Variants in MAPT observed in about 807,000 individuals in gnomAD.
The protein encoded by MAPT is microtubule-associated protein tau.
A neutral mutation model predicts 67.9 loss-of-function variants in MAPT; 34 were observed. The observed-to-expected ratio is 0.50, with a 90% CI of 0.38 to 0.67. The LOEUF is 0.67. Among genes scored for constraint, MAPT ranks in the 30% least tolerant of loss-of-function variants. MAPT has a pLI of 0.00. For missense variants in MAPT, 881 were observed against 1,115.2 expected (o/e 0.79, Z 2.99); for synonymous variants, 456 against 464.5 (o/e 0.98, Z 0.23).
intron 12 of MAPT, among the ~76,000 whole-genome samples, chr17:46,021,249 AG>A (rs2076510087): frequency 1.3e-5 from 2 of 152,226 alleles, no homozygotes; most frequent in South Asian, 4.1e-4. Flanking sequence ...GTTGCGCGAC[AG>A]GGATACTTTT....
chr17:45,983,833 A>G lies in MAPT; in HGVS notation c.1254A>G (p.Gly418=). 1.9e-6 allele frequency: 3 copies of G among 1,612,156 alleles called. No individual in the cohort carries two copies. The highest frequency in any genetic ancestry group is 2.5e-6 in the Non-Finnish European group (3 of 1,179,678). ...CAGAGGCCCGGGGCCCCTCTTTGGG[A>G]GAGGACACAAAAGAGGCTGACCTTC... ...EGPEARGPSL[G]EDTKEADLPE... The change falls in exon 5 of 13, where the codon GGA becomes GGG. Residue 418 remains glycine (G), a synonymous_variant. Coordinates refer to ENST00000262410, the MANE Select transcript of MAPT (RefSeq NM_001377265.1).
At chr17:45,955,796 T>C (rs532024502) in intron 1 of MAPT, among the ~76,000 whole-genome samples, 1 of 151,802 alleles carries the variant, frequency 6.6e-6, no homozygotes, top group East Asian at 1.9e-4. Context: ...AGTGCAGTGG[T>C]GCAATCTCAG....
intron 1 of MAPT, among the ~76,000 whole-genome samples, chr17:45,911,976 T>G (rs1219561777): frequency 6.6e-6 from 1 of 152,230 alleles, no homozygotes; most frequent in Non-Finnish European, 1.5e-5. Flanking sequence ...GCCAAATGCC[T>G]TAGATTCTCC....
rs1036288614 is a variant in MAPT, at chr17:45,955,555, A to G, written c.-17-6766A>G. Among the ~76,000 whole-genome samples the G allele has an allele frequency of 5.1e-4, 77 of 152,064 alleles. 1 individual carries two copies. The highest frequency in any genetic ancestry group is 3.8e-4 in the Non-Finnish European group (26 of 68,022). On this transcript the variant is annotated intron_variant, in intron 1 of 12. Coordinates refer to ENST00000262410, the MANE Select transcript of MAPT (RefSeq NM_001377265.1). ...GAGCAGCCAGCGTGTCCAGTGGTTTACCCCATCGCCACAGACTTGGTGATG... is the reference window on the plus strand; with the variant it reads ...GAGCAGCCAGCGTGTCCAGTGGTTTGCCCCATCGCCACAGACTTGGTGATG...
In MAPT at chr17:45,971,733, G is replaced by T; in HGVS notation, c.134-126G>T. On this transcript the variant is annotated intron_variant, in intron 2 of 12. Transcript: ENST00000262410. This position sits in a 1 kb window ranked among gnomAD's most constrained non-coding sequence, Gnocchi z 4.3. The stretch of plus-strand genomic sequence containing the variant: ...CTTTGTGGGTTTGTTGCGAGGCCGT[G>T]TTCCAGCTGTTTCCACAGGGAGCGA... 2.7e-6 allele frequency: 2 copies of T among 747,096 alleles called. No individual in the cohort carries two copies. Among genetic ancestry groups the T allele is most frequent in the Non-Finnish European group, 2.4e-6 (1 of 415,012 alleles). 46.3% of individuals were successfully genotyped at this position (747,096 alleles called of 1,614,324 possible).
At chr17:46,023,678 A>T (rs1278015746) in intron 12 of MAPT, among the ~76,000 whole-genome samples, 1 of 152,218 alleles carries the variant, frequency 6.6e-6, no homozygotes, top group East Asian at 1.9e-4. Flanking sequence ...CGTTTCTATT[A>T]AAAATACAAA....
chr17:45,913,738 C>T (rs1489421315), intron 1 of MAPT, among the ~76,000 whole-genome samples: 1 of 152,200 alleles, frequency 6.6e-6, no homozygotes, highest in African/African-American at 2.4e-5. Flanking sequence ...GGACAAGAAG[C>T]AAATGTTAAA....
intron 4 of MAPT, among the ~76,000 whole-genome samples, chr17:45,980,834 C>T (rs925322973): frequency 1.3e-5 from 2 of 152,120 alleles, no homozygotes; most frequent in African/African-American, 2.4e-5. Flanking sequence ...TCAGTTCTGG[C>T]GCTCAGGCTC....
At chr17:46,009,362 G>GCCCCCCCTTGCAGGGACAGAGCCC (rs1555719280) in intron 9 of MAPT, among the ~76,000 whole-genome samples, 4 of 148,012 alleles carry the variant, frequency 2.7e-5, no homozygotes, top group Admixed American at 6.8e-5. Context: ...CTATTTCATA[G>GCCCCCCCTTGCAGGGACAGAGCCC]TTCTTAGGCA....
intron 1 of MAPT, among the ~76,000 whole-genome samples, chr17:45,910,458 G>T (rs192775856): frequency 1.3e-5 from 2 of 152,062 alleles, no homozygotes; most frequent in East Asian, 3.9e-4. Flanking sequence ...GCTCCCTGGG[G>T]CATGGTCTTC....
rs1287751331 is a variant in MAPT, at chr17:45,981,845, T to TC, written c.287-1020dup. On this transcript the variant is annotated intron_variant, in intron 4 of 12. Transcript: ENST00000262410. ...GCCTGAGCAACATAAGGAGACCCCG[T>TC]CTCCACAAAAATGAAAAATAACATT... Among the ~76,000 whole-genome samples the TC allele has an allele frequency of 2.0e-5, 3 of 151,686 alleles. No homozygotes were observed. In the East Asian group the frequency reaches 5.8e-4, roughly 29 times the overall value.
intron 1 of MAPT, among the ~76,000 whole-genome samples, chr17:45,949,129 A>T (rs74531363): frequency 6.6e-6 from 1 of 152,138 alleles, no homozygotes; most frequent in African/African-American, 2.4e-5. Flanking sequence ...AACTGAAGGG[A>T]TAAGGAGGAC....
chr17:46,025,070 G>T lies in MAPT; in HGVS notation c.*899G>T, dbSNP rs1290197888. 2 of 148,130 alleles carry T rather than the reference G, an allele frequency of 1.4e-5. No individual in the cohort carries two copies. The highest frequency in any genetic ancestry group is 6.8e-5 in the Admixed American group (1 of 14,732). The allele number at this position is 148,130 out of a possible 1,614,324, so 9.2% of individuals were successfully genotyped here. A position where few individuals can be genotyped will look rare whatever the true frequency, so the allele number is the denominator to read the frequency against. On this transcript the variant is annotated 3_prime_UTR_variant, in exon 13 of 13. Coordinates refer to ENST00000262410, the MANE Select transcript of MAPT (RefSeq NM_001377265.1). Reference sequence around the variant, plus strand: ...TGCAGGGTAGGGGGCCTGAGTTGAGGGGCTTCCCTCTGCTCCACAGAAACC... The same window carrying T: ...TGCAGGGTAGGGGGCCTGAGTTGAGTGGCTTCCCTCTGCTCCACAGAAACC...
intron 6 of MAPT, 95 bp from the exon 7 acceptor site, chr17:45,989,783 G>A (rs2073914803): frequency 1.8e-6 from 2 of 1,110,692 alleles, no homozygotes; most frequent in African/African-American, 3.1e-5. Context: ...ACCATTACCT[G>A]CCTTATTTAT....
intron 5 of MAPT, chr17:45,985,680 G>C: frequency 1.0e-6 from 1 of 985,404 alleles, no homozygotes; most frequent in African/African-American, 1.7e-5. Flanking sequence ...GGGAAATGCC[G>C]ATTTAGCAGA....
intron 12 of MAPT, 74 bp downstream of exon 12, chr17:46,018,804 G>C (rs1044252862): frequency 2.7e-6 from 3 of 1,094,202 alleles, no homozygotes; most frequent in Middle Eastern, 2.3e-4. Flanking sequence ...GACAAAGGCT[G>C]GTCCAGTTCC....
intron 1 of MAPT, among the ~76,000 whole-genome samples, chr17:45,905,631 T>C (rs1428464713): frequency 6.6e-6 from 1 of 152,220 alleles, no homozygotes; most frequent in Non-Finnish European, 1.5e-5. Context: ...CTCCCTCATT[T>C]GTGGGCCCCT....
At chr17:46,020,981 C>A (rs925712042) in intron 12 of MAPT, among the ~76,000 whole-genome samples, 4 of 152,210 alleles carry the variant, frequency 2.6e-5, no homozygotes, top group Admixed American at 2.6e-4. Flanking sequence ...TTCCACCAGG[C>A]CACTCAAGTA....
At chr17:45,970,047 CCCATCCAT>C (rs369221637) in intron 2 of MAPT, among the ~76,000 whole-genome samples, 2 of 145,614 alleles carry the variant, frequency 1.4e-5, no homozygotes, top group African/African-American at 5.1e-5. Flanking sequence ...CATCTATCCA[CCCATCCAT>C]CCATCCATCC....
Sources: gnomAD v4.1 joint callset for allele counts (sites outside exome capture counted in the v4.1 genomes callset) on GRCh38, gnomAD v4.1.1 for gene constraint, Gnocchi (gnomAD v3.1) non-coding constraint, MANE v1.5 for transcripts, NCBI Gene and HGNC (gene_info 2026-07-23, HGNC 2026-07-21) for gene names.